The following GRM7 variants were observed in gnomAD, a reference collection of about 807,000 sequenced individuals.
The protein encoded by GRM7 is metabotropic glutamate receptor 7.
A neutral mutation model predicts 84.5 loss-of-function variants in GRM7; 35 were observed. The ratio of observed to expected loss-of-function variants is 0.41; its 90% CI spans 0.32 to 0.55. The LOEUF (loss-of-function observed/expected upper bound fraction) is 0.55. Among genes scored for constraint, GRM7 ranks in the 20% least tolerant of loss-of-function variants. GRM7 has a pLI of 0.19. For missense variants in GRM7, 1,003 were observed against 1,194.6 expected, an observed-to-expected ratio of 0.84 and a Z score of 2.36; for synonymous variants, 487 against 455.1, an observed-to-expected ratio of 1.07 and a Z score of -0.89.
chr3:7,219,933 C>T (rs934353965), intron 2 of GRM7, among the ~76,000 whole-genome samples: 1 of 152,078 alleles, frequency 6.6e-6, no homozygotes, highest in African/African-American at 2.4e-5. Context: ...AAAAGTATGT[C>T]AAAGGGATGC....
chr3:7,284,529 A>C (rs898482640), intron 2 of GRM7, among the ~76,000 whole-genome samples: 1 of 152,188 alleles, frequency 6.6e-6, no homozygotes, highest in African/African-American at 2.4e-5. Flanking sequence ...ATGTAGATTT[A>C]ATCAACATTC....
At chr3:7,645,023 T>G (rs1201523102) in intron 8 of GRM7, among the ~76,000 whole-genome samples, 1 of 152,048 alleles carries the variant, frequency 6.6e-6, no homozygotes. Flanking sequence ...GCTTGTGTGT[T>G]GAGCATGCAA....
chr3:7,556,338 A>G (rs1462831557), intron 7 of GRM7, among the ~76,000 whole-genome samples: 1 of 152,170 alleles, frequency 6.6e-6, no homozygotes, highest in Non-Finnish European at 1.5e-5. Context: ...ATAAACATTC[A>G]GACCATAGTA....
At chr3:7,394,990 A>G (rs1339769019) in intron 4 of GRM7, among the ~76,000 whole-genome samples, 1 of 151,680 alleles carries the variant, frequency 6.6e-6, no homozygotes, top group Non-Finnish European at 1.5e-5. Context: ...GTGAGCTGAA[A>G]TTGCGCCATT....
intron 1 of GRM7, among the ~76,000 whole-genome samples, chr3:7,129,235 C>T (rs1214357838): frequency 6.6e-6 from 1 of 152,160 alleles, no homozygotes; most frequent in Admixed American, 6.5e-5. Context: ...GAATTATTGC[C>T]TACTTACTTT....
At chr3:6,923,592 C>A (rs1697200085) in intron 1 of GRM7, among the ~76,000 whole-genome samples, 1 of 152,108 alleles carries the variant, frequency 6.6e-6, no homozygotes. Flanking sequence ...TTTGTTTTAA[C>A]TTTTACTATA....
chr3:7,357,176 T>C (rs572999912), intron 4 of GRM7, among the ~76,000 whole-genome samples: 1 of 152,084 alleles, frequency 6.6e-6, no homozygotes, highest in South Asian at 2.1e-4. Flanking sequence ...TTCTGTTTTC[T>C]AGCATAAGCA....
chr3:7,198,797 A>G (rs77700501), intron 2 of GRM7, among the ~76,000 whole-genome samples: 2 of 152,164 alleles, frequency 1.3e-5, no homozygotes, highest in Admixed American at 1.3e-4. Flanking sequence ...TAAAGTCAAA[A>G]ATTATAAGTT....
At chr3:7,568,611 C>A (rs561075547) in intron 7 of GRM7, among the ~76,000 whole-genome samples, 26 of 152,176 alleles carry the variant, frequency 1.7e-4, no homozygotes, top group African/African-American at 6.3e-4. Context: ...GAGGCGCAAG[C>A]GGGAACCGGG....
chr3:7,232,827 G>T (rs1391558506), intron 2 of GRM7, among the ~76,000 whole-genome samples: 1 of 152,120 alleles, frequency 6.6e-6, no homozygotes, highest in Admixed American at 6.6e-5. Flanking sequence ...ACTCAATTTA[G>T]GGTTGCTTAA....
chr3:6,902,882 C>CACACACACACACA (rs60680312), intron 1 of GRM7, among the ~76,000 whole-genome samples: 4 of 150,392 alleles, frequency 2.7e-5, no homozygotes, highest in Admixed American at 2.0e-4. Flanking sequence ...CACACACACA[C>CACACACACACACA]CCCTACTCTA....
intron 5 of GRM7, among the ~76,000 whole-genome samples, chr3:7,419,227 C>T (rs749533424): frequency 7.2e-5 from 11 of 152,054 alleles, no homozygotes; most frequent in Non-Finnish European, 1.2e-4. Context: ...TGCAGACAGG[C>T]GTCATGCAAT....
intron 8 of GRM7, among the ~76,000 whole-genome samples, chr3:7,622,562 C>G (rs115676318): frequency 6.6e-6 from 1 of 151,912 alleles, no homozygotes; most frequent in African/African-American, 2.4e-5. Flanking sequence ...AGGCGAGAGG[C>G]ATGTGACACT....
chr3:7,591,875 G>C (rs958496979), intron 8 of GRM7, among the ~76,000 whole-genome samples: 1 of 152,008 alleles, frequency 6.6e-6, no homozygotes, highest in Non-Finnish European at 1.5e-5. Context: ...AGCCAGAAAG[G>C]GAAAAAGAAA....
intron 1 of GRM7, among the ~76,000 whole-genome samples, chr3:7,056,146 A>G (rs1308934698): frequency 6.6e-6 from 1 of 152,042 alleles, no homozygotes; most frequent in Non-Finnish European, 1.5e-5. Flanking sequence ...TGACTGATGA[A>G]CCAGCAGCTC....
intron 1 of GRM7, among the ~76,000 whole-genome samples, chr3:7,064,283 G>C: frequency 6.7e-6 from 1 of 149,876 alleles, no homozygotes; most frequent in Non-Finnish European, 1.5e-5. Context: ...TTATTCTTAT[G>C]CCTTTGTGTA....
intron 4 of GRM7, among the ~76,000 whole-genome samples, chr3:7,395,031 T>C (rs1695152589): frequency 2.1e-5 from 2 of 96,668 alleles, no homozygotes; most frequent in East Asian, 2.3e-4. Context: ...ACAGTGAAAC[T>C]CTGTCTCAAA....
chr3:7,028,249 A>G (rs1696051669), intron 1 of GRM7, among the ~76,000 whole-genome samples: 1 of 152,232 alleles, frequency 6.6e-6, no homozygotes, highest in Non-Finnish European at 1.5e-5. Flanking sequence ...CATATAATAG[A>G]CATTTGTACT....
intron 3 of GRM7, among the ~76,000 whole-genome samples, chr3:7,302,090 T>A (rs1329827728): frequency 2.0e-5 from 3 of 152,118 alleles, no homozygotes; most frequent in African/African-American, 7.2e-5. Context: ...AAAGTTTTTT[T>A]ATTGTTTTTT....
Sources: gnomAD v4.1 joint callset for allele counts (sites outside exome capture counted in the v4.1 genomes callset) on GRCh38, gnomAD v4.1.1 for gene constraint, MANE v1.5 for transcripts, NCBI Gene and HGNC (gene_info 2026-07-23, HGNC 2026-07-21) for gene names.